The following AMMECR1 variants were observed in gnomAD, a reference collection of about 807,000 sequenced individuals.
AMMECR1 encodes the protein AMMECR nuclear protein 1.
A neutral mutation model predicts 22.5 loss-of-function variants in AMMECR1; 3 were observed. That is an observed-to-expected ratio of 0.13 (90% CI 0.06 to 0.35). The LOEUF is 0.35. AMMECR1 is among the 10% of genes least tolerant of loss of function. The pLI is 1.00. For synonymous variants in AMMECR1, 130 were observed against 116.7 expected (o/e 1.11, Z -0.74); for missense variants, 235 against 278.7 (o/e 0.84, Z 1.12).
intron 3 of AMMECR1, among the ~76,000 whole-genome samples, chrX:110,206,489 G>C (rs996735101): frequency 3.6e-5 from 4 of 112,081 alleles, no homozygotes; most frequent in Non-Finnish European, 7.5e-5. Context: ...TTAGCCTTGT[G>C]ATCCACAAGC....
intron 2 of AMMECR1, among the ~76,000 whole-genome samples, chrX:110,221,358 C>T (rs1031531262): frequency 1.8e-5 from 2 of 111,510 alleles, no homozygotes; most frequent in Admixed American, 9.6e-5. Context: ...AATTATCTAC[C>T]GCTCTGTCTC....
chrX:110,381,901 G>C (rs900379162), intron 2 of AMMECR1, among the ~76,000 whole-genome samples: 6 of 110,805 alleles, frequency 5.4e-5, no homozygotes, highest in African/African-American at 2.0e-4. Flanking sequence ...AGACATTAAG[G>C]ACTCCAAAAA....
At chrX:110,217,399 T>C (rs767745355) in intron 2 of AMMECR1, among the ~76,000 whole-genome samples, 1 of 108,891 alleles carries the variant, frequency 9.2e-6, no homozygotes, top group South Asian at 3.9e-4. Context: ...TCAACTCTGA[T>C]TGGATCCTGT....
chrX:110,391,742 T>C (rs2068494932), intron 2 of AMMECR1, among the ~76,000 whole-genome samples: 1 of 112,274 alleles, frequency 8.9e-6, no homozygotes, highest in Admixed American at 9.5e-5. Flanking sequence ...GAAAAGGACA[T>C]ACTGTCAACT....
intron 2 of AMMECR1, among the ~76,000 whole-genome samples, chrX:110,342,073 GA>G (rs941344268): frequency 5.5e-4 from 58 of 104,675 alleles, no homozygotes; most frequent in Non-Finnish European, 6.7e-4. Flanking sequence ...TTAAAAAACA[GA>G]AAAAAAAATA....
rs2067758983 is a variant in AMMECR1, at chrX:110,264,750, C to T, written c.474-151G>A. ...CTCACAGGCCAGCCCAATAGGACTA[C>T]ATTTAGCAAAAGTTATATTATACTA... On this transcript the variant is annotated intron_variant, in intron 1 of 5. Transcript: ENST00000262844. 6 of 385,707 alleles carry T rather than the reference C, an allele frequency of 1.6e-5. No individual in the cohort carries two copies. The South Asian group carries it at 3.5e-4, about 23-fold the overall frequency. 31.8% of individuals were successfully genotyped at this position (385,707 alleles called of 1,213,427 possible). A position where few individuals can be genotyped will look rare whatever the true frequency, so the allele number is the denominator to read the frequency against.
intron 1 of AMMECR1, among the ~76,000 whole-genome samples, chrX:110,265,550 G>A (rs185371812): frequency 1.3e-3 from 147 of 111,589 alleles, no homozygotes; most frequent in Non-Finnish European, 2.0e-3. Flanking sequence ...TCAATTAATG[G>A]TTAAGTCTAA....
intron 1 of AMMECR1, among the ~76,000 whole-genome samples, chrX:110,433,119 C>T (rs1212445617): frequency 8.9e-6 from 1 of 112,399 alleles, no homozygotes; most frequent in Non-Finnish European, 1.9e-5. Context: ...GCTGTGGCTC[C>T]AAGACCTGCC....
At chrX:110,255,837 T>C (rs1320333653) in intron 2 of AMMECR1, among the ~76,000 whole-genome samples, 1 of 112,362 alleles carries the variant, frequency 8.9e-6, no homozygotes, top group Non-Finnish European at 1.9e-5. Context: ...GGATAATTTT[T>C]TGAGCTGAAG....
chrX:110,419,269 G>C (rs914408411), intron 2 of AMMECR1: 1 of 112,237 alleles, frequency 8.9e-6, no homozygotes, highest in African/African-American at 3.2e-5. Context: ...CAACATTCTC[G>C]GTCTTTTCTC....
intron 2 of AMMECR1, among the ~76,000 whole-genome samples, chrX:110,411,238 A>G (rs973470769): frequency 2.7e-5 from 3 of 111,905 alleles, no homozygotes; most frequent in African/African-American, 9.8e-5. Context: ...TCAGTTTTGT[A>G]TCACTGGCAT....
At chrX:110,420,708 T>G (rs1253836072) in intron 2 of AMMECR1, among the ~76,000 whole-genome samples, 3 of 111,561 alleles carry the variant, frequency 2.7e-5, no homozygotes. Context: ...AACCGGCTGG[T>G]TTTTTAAACA....
At chrX:110,235,987 C>T (rs1184166018) in intron 2 of AMMECR1, among the ~76,000 whole-genome samples, 4 of 109,925 alleles carry the variant, frequency 3.6e-5, no homozygotes, top group African/African-American at 9.9e-5. Context: ...CAAATACCTT[C>T]AGGGGTAATA....
intron 1 of AMMECR1, among the ~76,000 whole-genome samples, chrX:110,268,135 A>G (rs977266676): frequency 7.1e-5 from 8 of 112,229 alleles, no homozygotes; most frequent in African/African-American, 2.6e-4. Context: ...ATTTCTTTGA[A>G]TTTGAAGCAC....
intron 1 of AMMECR1, among the ~76,000 whole-genome samples, chrX:110,276,684 G>C (rs1176675917): frequency 9.0e-6 from 1 of 111,600 alleles, no homozygotes; most frequent in African/African-American, 3.3e-5. Flanking sequence ...TATGAGCTCT[G>C]GTAAGTTTTC....
At chrX:110,246,429 T>A (rs1410213243) in intron 2 of AMMECR1, among the ~76,000 whole-genome samples, 2 of 112,564 alleles carry the variant, frequency 1.8e-5, no homozygotes, top group Admixed American at 1.9e-4. Flanking sequence ...TTAATCTTCA[T>A]TTCTCACTTC....
chrX:110,356,150 CTTT>C (rs1288370078), intron 2 of AMMECR1, among the ~76,000 whole-genome samples: 4 of 88,148 alleles, frequency 4.5e-5, no homozygotes, highest in African/African-American at 8.8e-5. Context: ...GAGGCATAAC[CTTT>C]TTTTTTTTTT....
intron 2 of AMMECR1, among the ~76,000 whole-genome samples, chrX:110,260,011 G>C (rs1241766253): frequency 9.0e-6 from 1 of 111,630 alleles, no homozygotes; most frequent in Non-Finnish European, 1.9e-5. Flanking sequence ...ATATATAAAA[G>C]CCATAAACAC....
At chrX:110,382,536 T>C (rs184854252) in intron 2 of AMMECR1, among the ~76,000 whole-genome samples, 8 of 111,916 alleles carry the variant, frequency 7.1e-5, no homozygotes, top group East Asian at 2.8e-4. Context: ...GTGTAACTCA[T>C]AGCTGGTTTT....
Sources: allele counts gnomAD v4.1 joint callset (sites outside exome capture counted in the v4.1 genomes callset), GRCh38; gene constraint gnomAD v4.1.1; transcripts MANE v1.5; gene names NCBI Gene and HGNC (gene_info 2026-07-23, HGNC 2026-07-21).